Variants in EVL observed in about 807,000 individuals in gnomAD.
The protein encoded by EVL is Enah/Vasp-like, also known as ena/VASP-like protein.
In EVL, 21 loss-of-function variants were observed where a neutral mutation model predicts 59.6. The ratio of observed to expected loss-of-function variants is 0.35; its 90% CI spans 0.25 to 0.51. The LOEUF (loss-of-function observed/expected upper bound fraction) is 0.51. Among genes scored for constraint, EVL ranks in the 20% least tolerant of loss-of-function variants. EVL has a pLI of 0.97. For missense variants in EVL, 462 were observed against 546.6 expected, an observed-to-expected ratio of 0.85 and a Z score of 1.54; for synonymous variants, 198 against 203.5, an observed-to-expected ratio of 0.97 and a Z score of 0.23.
At chr14:100,076,673 C>G (rs967965167) in intron 1 of EVL, among the ~76,000 whole-genome samples, 7 of 152,168 alleles carry the variant, frequency 4.6e-5, no homozygotes, top group Admixed American at 4.6e-4. Context: ...CAGCTCGGCT[C>G]GGCTGAGAAA....
At chr14:100,110,793 C>T (rs1183060312) in intron 3 of EVL, among the ~76,000 whole-genome samples, 1 of 152,218 alleles carries the variant, frequency 6.6e-6, no homozygotes, top group East Asian at 1.9e-4. Context: ...CTCCTCCTTC[C>T]ACCAGTCCCA....
rs144767450 is a variant in EVL at position 100,101,756 on chromosome 14, C to G, written c.358+4098C>G. Reference sequence around the variant, plus strand: ...CAGCACAAGACAGTTGCCCACTCCTCAGACTTCATAATTCATAAGCACTAG... The same window carrying G: ...CAGCACAAGACAGTTGCCCACTCCTGAGACTTCATAATTCATAAGCACTAG... On this transcript the variant is annotated intron_variant, in intron 3 of 13. Transcript: ENST00000392920. 4.6e-3 allele frequency among the ~76,000 whole-genome samples: 700 copies of G among 152,358 alleles called. 4 individuals carry two copies. Among genetic ancestry groups the G allele is most frequent in the African/African-American group, 0.015 (642 of 41,582 alleles).
intron 2 of EVL, among the ~76,000 whole-genome samples, chr14:100,095,042 A>AAAAACAAAAC (rs898015508): frequency 2.6e-5 from 4 of 152,234 alleles, no homozygotes; most frequent in Non-Finnish European, 5.9e-5. Flanking sequence ...CTCCGTCTAA[A>AAAAACAAAAC]AAAACAAAAC....
At position 100,134,319 on chromosome 14, in the gene EVL, C is replaced by T. The variant is rs367764676; in HGVS notation, c.900+1540C>T. Among the ~76,000 whole-genome samples, 160 of 152,324 alleles carry T rather than the reference C, an allele frequency of 1.1e-3. 4 individuals are homozygous for T. In the South Asian group the frequency reaches 0.032, roughly 31 times the overall value. ...TGCCAGTATGTTGCAGTCCCAGCCC[C>T]TGAAAACTAAAACTCTCGCTCCTGG... On this transcript the variant is annotated intron_variant, in intron 8 of 13. Transcript: ENST00000392920.
chr14:100,128,898 G>A (rs1888257766), intron 6 of EVL, 150 bp downstream of exon 6: 4 of 659,638 alleles, frequency 6.1e-6, no homozygotes, highest in East Asian at 5.4e-5. Flanking sequence ...GTTCTCAAAC[G>A]AGAAATCACA....
chr14:100,117,931 T>G (rs529755255), intron 3 of EVL, among the ~76,000 whole-genome samples: 9 of 152,308 alleles, frequency 5.9e-5, no homozygotes, highest in African/African-American at 2.2e-4. Context: ...AGATGCTCAG[T>G]TTGCCTGGGG....
At chr14:100,024,337 A>G (rs2140207366) in intron 1 of EVL, among the ~76,000 whole-genome samples, 1 of 152,350 alleles carries the variant, frequency 6.6e-6, no homozygotes, top group East Asian at 1.9e-4. Context: ...AGAACCATCC[A>G]AGTGTCAAGA....
At chr14:100,040,357 A>G (rs796267860) in intron 1 of EVL, among the ~76,000 whole-genome samples, 36 of 152,242 alleles carry the variant, frequency 2.4e-4, no homozygotes, top group African/African-American at 8.7e-4. Flanking sequence ...CTCAGCTCAG[A>G]TTAGCCTCCC....
chr14:100,009,253 GCT>G (rs2061001624), intron 1 of EVL, among the ~76,000 whole-genome samples: 1 of 152,200 alleles, frequency 6.6e-6, no homozygotes, highest in Non-Finnish European at 1.5e-5. Context: ...GGGAACTACT[GCT>G]CTCTTTGAGA....
At chr14:100,118,664 T>G (rs910912450) in intron 3 of EVL, among the ~76,000 whole-genome samples, 1 of 152,218 alleles carries the variant, frequency 6.6e-6, no homozygotes, top group African/African-American at 2.4e-5. Flanking sequence ...ATATAGACTC[T>G]GCCCTGAGTC....
At chr14:100,102,097 C>T (rs1595179942) in intron 3 of EVL, among the ~76,000 whole-genome samples, 1 of 152,296 alleles carries the variant, frequency 6.6e-6, no homozygotes, top group Middle Eastern at 3.4e-3. Flanking sequence ...CTCAGCCTCC[C>T]AAAGTGCTGG....
At chr14:100,037,184 AGAAG>A (rs2061401324) in intron 1 of EVL, among the ~76,000 whole-genome samples, 1 of 152,236 alleles carries the variant, frequency 6.6e-6, no homozygotes, top group African/African-American at 2.4e-5. Context: ...GAAAGAAAGA[AGAAG>A]AAGGTGAGGG....
At chr14:100,129,708 C>A in intron 7 of EVL, 24 bp downstream of exon 7, 1 of 1,531,060 alleles carries the variant, frequency 6.5e-7, no homozygotes, top group South Asian at 1.2e-5. Context: ...CCTCCCGAGA[C>A]TTGGTGTGCC....
intron 1 of EVL, among the ~76,000 whole-genome samples, chr14:100,034,611 C>A (rs1462395552): frequency 6.6e-6 from 1 of 151,916 alleles, no homozygotes; most frequent in Non-Finnish European, 1.5e-5. Flanking sequence ...GTGGTACATG[C>A]TTGTGGGCCC....
At chr14:100,106,255 T>C (rs147136854) in intron 3 of EVL, 61 of 152,350 alleles carry the variant, frequency 4.0e-4, no homozygotes, top group African/African-American at 1.4e-3. Context: ...AAAGCACTTA[T>C]TTTTTTAACC....
chr14:99,979,880 A>G (rs1272518609), intron 1 of EVL, among the ~76,000 whole-genome samples: 1 of 152,202 alleles, frequency 6.6e-6, no homozygotes, highest in African/African-American at 2.4e-5. Flanking sequence ...AAAAATAAAT[A>G]AATAAAAATA....
At chr14:100,142,073 A>T (rs982818222) in intron 13 of EVL, 9 of 330,394 alleles carry the variant, frequency 2.7e-5, no homozygotes, top group Admixed American at 2.0e-4. Context: ...TGGGAAGAGC[A>T]TGGAGGGGAG....
At chr14:100,014,848 T>A (rs980300562) in intron 1 of EVL, among the ~76,000 whole-genome samples, 3 of 152,166 alleles carry the variant, frequency 2.0e-5, no homozygotes, top group African/African-American at 7.2e-5. Flanking sequence ...CACTGTTGAA[T>A]TCCTCTTATT....
intron 1 of EVL, chr14:99,977,483 C>T (rs1409375634): frequency 6.6e-6 from 1 of 152,188 alleles, no homozygotes; most frequent in African/African-American, 2.4e-5. Context: ...ACTGCAACCT[C>T]CATCTCCCAG....
Sources: allele counts gnomAD v4.1 joint callset (sites outside exome capture counted in the v4.1 genomes callset), GRCh38; gene constraint gnomAD v4.1.1; transcripts MANE v1.5; gene names NCBI Gene and HGNC (gene_info 2026-07-23, HGNC 2026-07-21).